AGAP1: variants seen among roughly 807,000 people sequenced by gnomAD.
AGAP1 encodes the protein ArfGAP with GTPase domain, ankyrin repeat and PH domain 1.
A neutral mutation model predicts 105.3 loss-of-function variants in AGAP1; 29 were observed. That is an observed-to-expected ratio of 0.28 (90% CI 0.21 to 0.38). The LOEUF is 0.38. AGAP1 is among the 10% of genes least tolerant of loss of function. AGAP1 has a pLI of 1.00. For missense variants in AGAP1, 998 were observed against 1,165.1 expected (o/e 0.86, Z 2.09); for synonymous variants, 509 against 485.9 (o/e 1.05, Z -0.63).
In AGAP1 at chr2:235,701,194, T is replaced by C. The variant is rs780159408; in HGVS notation, c.164-7985T>C. On this transcript the variant is annotated intron_variant, in intron 1 of 17. Coordinates refer to ENST00000304032, the MANE Select transcript of AGAP1 (RefSeq NM_001037131.3). This position sits in a 1 kb window ranked among gnomAD's most constrained non-coding sequence, Gnocchi z 4.1. ...ATTTATATATATGGGGGGGTGGAAA[T>C]CACTATCCTCTAAGAAGTTACAAAC... Among the ~76,000 whole-genome samples the C allele has an allele frequency of 4.0e-5, 6 of 151,442 alleles. No homozygotes were observed. Among genetic ancestry groups the C allele is most frequent in the African/African-American group, 7.3e-5 (3 of 41,224 alleles).
chr2:235,494,990 C>T (rs1325671547), intron 1 of AGAP1, 141 bp downstream of exon 1: 2 of 777,244 alleles, frequency 2.6e-6, no homozygotes, highest in East Asian at 3.7e-5. Context: ...TGCGGCGCTG[C>T]TTGTCTTGCA....
chr2:236,116,313 T>C (rs942544655), intron 16 of AGAP1, among the ~76,000 whole-genome samples: 36 of 151,192 alleles, frequency 2.4e-4, no homozygotes, highest in African/African-American at 8.2e-4. Context: ...TGATTTTTTT[T>C]CCATAAGTTA....
rs1945670762 is a variant in AGAP1 at position 235,599,844 on chromosome 2, GC to G, written c.163+104999del. 6.6e-6 allele frequency among the ~76,000 whole-genome samples: 1 copy of G among 152,184 alleles called. No individual in the cohort carries two copies. Among genetic ancestry groups the G allele is most frequent in the Non-Finnish European group, 1.5e-5 (1 of 68,032 alleles). ...CTGGGATGTGATGGCACGGTCAGTC[GC>G]CCCTGGTGGAGGCAATGCTGGTACC... On this transcript the variant is annotated intron_variant, in intron 1 of 17. Coordinates refer to ENST00000304032, the MANE Select transcript of AGAP1 (RefSeq NM_001037131.3). This position sits in a 1 kb window ranked among gnomAD's most constrained non-coding sequence, Gnocchi z 5.3.
chr2:235,605,123 C>T (rs1945884516), intron 1 of AGAP1, among the ~76,000 whole-genome samples: 1 of 152,210 alleles, frequency 6.6e-6, no homozygotes, highest in African/African-American at 2.4e-5. Flanking sequence ...AGCGATCCGC[C>T]TGCCTCTGCC....
chr2:235,563,770 G>A (rs1944247497), intron 1 of AGAP1, among the ~76,000 whole-genome samples: 1 of 152,286 alleles, frequency 6.6e-6, no homozygotes, highest in Non-Finnish European at 1.5e-5. Flanking sequence ...CGTTTCTTGA[G>A]GGTCTGGTAT....
At chr2:236,025,566 G>T (rs976278730) in intron 13 of AGAP1, among the ~76,000 whole-genome samples, 1 of 152,084 alleles carries the variant, frequency 6.6e-6, no homozygotes, top group African/African-American at 2.4e-5. Context: ...GAGCGTAAAT[G>T]GTCACTGCAA....
At chr2:235,502,954 T>TTCAAG (rs1339814777) in intron 1 of AGAP1, among the ~76,000 whole-genome samples, 2 of 152,208 alleles carry the variant, frequency 1.3e-5, no homozygotes, top group African/African-American at 4.8e-5. Context: ...TTCAATTCAA[T>TTCAAG]AAGTTTTAGT....
chr2:235,749,223 A>G (rs1159525936), intron 5 of AGAP1, among the ~76,000 whole-genome samples: 1 of 137,050 alleles, frequency 7.3e-6, no homozygotes, highest in East Asian at 2.5e-4. Flanking sequence ...AAAAAAAGAA[A>G]AAAAAAGCTG....
chr2:235,652,092 A>C (rs1202475645), intron 1 of AGAP1, among the ~76,000 whole-genome samples: 1 of 152,170 alleles, frequency 6.6e-6, no homozygotes, highest in Non-Finnish European at 1.5e-5. Context: ...GGCAAACTTA[A>C]TTTCATTTGA....
chr2:235,913,389 C>G (rs768225160), intron 11 of AGAP1, among the ~76,000 whole-genome samples: 2 of 152,126 alleles, frequency 1.3e-5, no homozygotes, highest in Non-Finnish European at 2.9e-5. Flanking sequence ...TGATAGAAAT[C>G]TAATTGAATT....
In AGAP1 at chr2:235,960,991, G is replaced by T. The variant is rs149275050; in HGVS notation, c.1484-7471G>T. On this transcript the variant is annotated intron_variant, in intron 12 of 17. Transcript: ENST00000304032. This position sits in a 1 kb window ranked among gnomAD's most constrained non-coding sequence, Gnocchi z 4.9. Reference sequence around the variant, plus strand: ...GTCCGTTCCATCCACCCGCGCAAGTGTCTGTCACACAGAGGTTAGTTCTTT... The same window carrying T: ...GTCCGTTCCATCCACCCGCGCAAGTTTCTGTCACACAGAGGTTAGTTCTTT... Among the ~76,000 whole-genome samples the T allele has an allele frequency of 2.4e-3, 372 of 152,336 alleles. 2 individuals are homozygous for T. The highest frequency in any genetic ancestry group is 3.7e-3 in the Non-Finnish European group (255 of 68,036).
intron 11 of AGAP1, among the ~76,000 whole-genome samples, chr2:235,923,759 G>T (rs531413913): frequency 1.3e-5 from 2 of 152,308 alleles, no homozygotes; most frequent in South Asian, 4.1e-4. Flanking sequence ...TCCCAGCGTG[G>T]GGCTGTTATG....
intron 8 of AGAP1, among the ~76,000 whole-genome samples, chr2:235,803,031 G>GTGA (rs201324287): frequency 2.7e-4 from 1 of 3,700 alleles, no homozygotes; most frequent in Non-Finnish European, 1.1e-3. Flanking sequence ...GGTGATGGTT[G>GTGA]TGATGGTGAT....
chr2:235,575,259 CCTAAATTA>C (rs1331020079), intron 1 of AGAP1, among the ~76,000 whole-genome samples: 4 of 152,134 alleles, frequency 2.6e-5, no homozygotes, highest in African/African-American at 9.7e-5. Flanking sequence ...TTCCAAAATT[CCTAAATTA>C]CATGTCATGT....
chr2:235,575,577 G>A (rs540149230), intron 1 of AGAP1, among the ~76,000 whole-genome samples: 15 of 149,378 alleles, frequency 1.0e-4, no homozygotes, highest in African/African-American at 3.8e-4. Context: ...TGCCTCCTCC[G>A]TGAGCTGTGC....
chr2:235,583,963 C>T (rs974881969), intron 1 of AGAP1, among the ~76,000 whole-genome samples: 1 of 152,062 alleles, frequency 6.6e-6, no homozygotes, highest in Non-Finnish European at 1.5e-5. Context: ...GCCTCGGCCC[C>T]CCAGAGTGCT....
chr2:235,686,622 T>G (rs1436601610), intron 1 of AGAP1, among the ~76,000 whole-genome samples: 15 of 27,578 alleles, frequency 5.4e-4, no homozygotes, highest in South Asian at 1.8e-3. Context: ...GAGATATAGA[T>G]ATATATATAT....
At position 236,128,453 on chromosome 2, in the gene AGAP1, C is replaced by A. The variant is rs949351314; in HGVS notation, c.*4331C>A. 1 of 152,326 alleles carries A rather than the reference C, an allele frequency of 6.6e-6. No individual in the cohort carries two copies. The highest frequency in any genetic ancestry group is 1.5e-5 in the Non-Finnish European group (1 of 68,082). The allele number at this position is 152,326 out of a possible 1,614,324, so 9.4% of individuals were successfully genotyped here. On this transcript the variant is annotated 3_prime_UTR_variant, in exon 18 of 18. Coordinates refer to ENST00000304032, the MANE Select transcript of AGAP1 (RefSeq NM_001037131.3). The surrounding 1 kb of genome is among the most constrained non-coding windows in gnomAD (Gnocchi z 5.9). ...CTTGCTTGGTGCTCCCCTCCTCCTC[C>A]TGTCTGAGATCGGAGCTTGCTGGAG...
intron 1 of AGAP1, among the ~76,000 whole-genome samples, chr2:235,629,268 TTGTGTG>T (rs60059513): frequency 0.036 from 4,941 of 135,706 alleles, 122 homozygotes; most frequent in African/African-American, 0.08. Context: ...GTAGTAGTCA[TTGTGTG>T]TGTGTGTGTG....
Sources: gnomAD v4.1 joint callset for allele counts (sites outside exome capture counted in the v4.1 genomes callset) on GRCh38, gnomAD v4.1.1 for gene constraint, Gnocchi (gnomAD v3.1) non-coding constraint, MANE v1.5 for transcripts, NCBI Gene and HGNC (gene_info 2026-07-23, HGNC 2026-07-21) for gene names.